Variants in CFAP54 observed in about 807,000 individuals in gnomAD.
CFAP54 encodes cilia- and flagella-associated protein 54.
In CFAP54, 290 loss-of-function variants were observed where a neutral mutation model predicts 370.4. The observed-to-expected ratio is 0.78, with a 90% CI of 0.71 to 0.86. CFAP54 has a LOEUF of 0.86. Ranked by LOEUF, CFAP54 falls within the 40% of genes least tolerant of loss-of-function variation. The pLI is 0.00. For missense variants in CFAP54, 3,399 were observed against 3,528.7 expected, an observed-to-expected ratio of 0.96 and a Z score of 0.93; for synonymous variants, 1,206 against 1,236.5, an observed-to-expected ratio of 0.98 and a Z score of 0.52.
chr12:96,500,728 C>T (rs1955016645), intron 1 of CFAP54, 106 bp from the exon 2 acceptor site: 2 of 639,270 alleles, frequency 3.1e-6, no homozygotes, highest in African/African-American at 1.8e-5. Flanking sequence ...CAATAAGGCA[C>T]ATTGGAAAGG....
intron 50 of CFAP54, among the ~76,000 whole-genome samples, chr12:96,737,407 G>A (rs1957991776): frequency 6.6e-6 from 1 of 151,148 alleles, no homozygotes; most frequent in Non-Finnish European, 1.5e-5. Context: ...GGGAAAAAAA[G>A]GAGAGAATTT....
chr12:96,604,911 TC>T (rs1370839178), intron 26 of CFAP54, among the ~76,000 whole-genome samples: 1 of 152,138 alleles, frequency 6.6e-6, no homozygotes, highest in Non-Finnish European at 1.5e-5. Context: ...GAAAGGTAAA[TC>T]CCCCAAACCC....
chr12:96,731,197 T>A (rs1218030523), intron 50 of CFAP54, among the ~76,000 whole-genome samples: 2 of 152,176 alleles, frequency 1.3e-5, no homozygotes, highest in Non-Finnish European at 2.9e-5. Context: ...TCCTGCACAC[T>A]TGTAATTTAA....
intron 45 of CFAP54, among the ~76,000 whole-genome samples, chr12:96,697,422 G>A (rs545771140): frequency 6.6e-6 from 1 of 152,260 alleles, no homozygotes; most frequent in Admixed American, 6.5e-5. Flanking sequence ...ATATGGCACT[G>A]GGGAGATTAG....
chr12:96,638,184 C>CATAT (rs61605059), intron 32 of CFAP54, among the ~76,000 whole-genome samples: 10,540 of 137,414 alleles, frequency 0.077, 827 homozygotes, highest in East Asian at 0.42. Context: ...TTAGCTGCAT[C>CATAT]ATATATATAT....
chr12:96,686,462 G>T (rs923411087), intron 42 of CFAP54, among the ~76,000 whole-genome samples: 3 of 152,208 alleles, frequency 2.0e-5, no homozygotes, highest in Admixed American at 2.0e-4. Context: ...TCGTGGTTCT[G>T]CAGGCTCTAC....
At chr12:96,499,086 C>G (rs1252650678) in intron 1 of CFAP54, among the ~76,000 whole-genome samples, 9 of 152,068 alleles carry the variant, frequency 5.9e-5, no homozygotes, top group Admixed American at 2.0e-4. Flanking sequence ...TCAAATGATT[C>G]TCCTCCTGAG....
chr12:96,815,299 T>C (rs11108704), intron 64 of CFAP54, among the ~76,000 whole-genome samples: 1 of 152,030 alleles, frequency 6.6e-6, no homozygotes, highest in Non-Finnish European at 1.5e-5. Flanking sequence ...ATTTCTCTAA[T>C]GACCAGTGAT....
chr12:96,621,374 T>C (rs1298411145), intron 26 of CFAP54, among the ~76,000 whole-genome samples: 1 of 152,218 alleles, frequency 6.6e-6, no homozygotes, highest in Non-Finnish European at 1.5e-5. Context: ...GATCCCGTTA[T>C]TAGTCCTTTA....
At chr12:96,580,758 C>G in intron 21 of CFAP54, 69 bp downstream of exon 21, 1 of 1,180,168 alleles carries the variant, frequency 8.5e-7, no homozygotes, top group Non-Finnish European at 1.2e-6. Flanking sequence ...TAAATGAAGT[C>G]ATTGTTTTGG....
intron 37 of CFAP54, 37 bp from the exon 38 acceptor site, chr12:96,658,174 A>G: frequency 6.3e-7 from 1 of 1,589,564 alleles, no homozygotes; most frequent in African/African-American, 1.4e-5. Flanking sequence ...CTTTTAACTA[A>G]TGTTTTCTTT....
intron 4 of CFAP54, among the ~76,000 whole-genome samples, chr12:96,512,335 A>ATG (rs1448046583): frequency 5.3e-5 from 2 of 37,790 alleles, no homozygotes; most frequent in Non-Finnish European, 1.2e-4. Flanking sequence ...ATATATATAT[A>ATG]TATATATATA....
intron 58 of CFAP54, 134 bp from the exon 59 acceptor site, chr12:96,764,017 C>A: frequency 1.9e-6 from 1 of 534,662 alleles, no homozygotes; most frequent in Non-Finnish European, 3.2e-6. Context: ...CAATGTATTT[C>A]GAATATCTTC....
At chr12:96,837,022 G>A (rs1316483102) in intron 66 of CFAP54, among the ~76,000 whole-genome samples, 4 of 152,166 alleles carry the variant, frequency 2.6e-5, no homozygotes, top group Admixed American at 6.5e-5. Flanking sequence ...AGGTCCCATC[G>A]TGTTGCCCAG....
At chr12:96,557,604 A>G (rs1330103191) in intron 17 of CFAP54, among the ~76,000 whole-genome samples, 3 of 152,146 alleles carry the variant, frequency 2.0e-5, no homozygotes, top group Non-Finnish European at 4.4e-5. Context: ...TCACATGGCA[A>G]TGAAAATGAC....
chr12:96,764,779 A>G (rs544505497), intron 59 of CFAP54, among the ~76,000 whole-genome samples: 1 of 152,338 alleles, frequency 6.6e-6, no homozygotes, highest in Admixed American at 6.5e-5. Context: ...AACTATTGGC[A>G]GATATACATG....
chr12:96,672,143 A>T (rs1287083415), intron 39 of CFAP54, among the ~76,000 whole-genome samples: 1 of 152,106 alleles, frequency 6.6e-6, no homozygotes, highest in Non-Finnish European at 1.5e-5. Flanking sequence ...AAAAAAGGAT[A>T]TTTACATATT....
At chr12:96,584,043 A>G (rs1037567653) in intron 22 of CFAP54, among the ~76,000 whole-genome samples, 2 of 152,176 alleles carry the variant, frequency 1.3e-5, no homozygotes, top group Non-Finnish European at 2.9e-5. Context: ...CGATGGTGGC[A>G]GGTGAAGGGG....
intron 8 of CFAP54, among the ~76,000 whole-genome samples, chr12:96,522,495 G>T (rs1373072153): frequency 1.3e-5 from 2 of 152,166 alleles, no homozygotes; most frequent in African/African-American, 2.4e-5. Context: ...GAGTGGTTCT[G>T]CACTTGCCTT....
Sources: gnomAD v4.1 joint callset for allele counts (sites outside exome capture counted in the v4.1 genomes callset) on GRCh38, gnomAD v4.1.1 for gene constraint, MANE v1.5 for transcripts, NCBI Gene and HGNC (gene_info 2026-07-23, HGNC 2026-07-21) for gene names.